The following OGDHL variants were observed in gnomAD, a reference collection of about 807,000 sequenced individuals.
OGDHL encodes oxoglutarate dehydrogenase L.
In OGDHL, 79 loss-of-function variants were observed where a neutral mutation model predicts 109.6. The observed-to-expected ratio is 0.72, with a 90% CI of 0.60 to 0.87. OGDHL has a LOEUF of 0.87. OGDHL is among the 40% of genes least tolerant of loss of function. The probability of loss-of-function intolerance (pLI) is 0.00; values close to 1 mark genes in which losing one functional copy is unlikely to be tolerated. For synonymous variants in OGDHL, 528 were observed against 537.2 expected (o/e 0.98, Z 0.24); for missense variants, 1,275 against 1,362.2 (o/e 0.94, Z 1.01).
Position 49,745,857 on chromosome 10 carries a change from C to T in OGDHL, c.1417G>A (p.Val473Met), listed in dbSNP as rs1312504392. Residue 473 changes from valine (V) to methionine (M), a missense_variant, in exon 11 of 23, where the codon GTG becomes ATG. By Grantham distance (21) the Val-to-Met change is conservative (BLOSUM62 1). Coordinates refer to ENST00000374103, the MANE Select transcript of OGDHL (RefSeq NM_018245.3). ...NADDPEAVIY[V>M]CSVAAEWRNT... The stretch of plus-strand genomic sequence containing the variant: ...CTCCATTCGGCTGCCACACTGCACA[C>T]ATATATCACAGCCTCTGGGTCATCG... 1.2e-6 allele frequency: 2 copies of T among 1,614,232 alleles called. No homozygotes were observed. The highest frequency in any genetic ancestry group is 1.7e-5 in the Admixed American group (1 of 60,026).
At chr10:49,761,091 G>A (rs1843245729) in intron 1 of OGDHL, among the ~76,000 whole-genome samples, 1 of 152,170 alleles carries the variant, frequency 6.6e-6, no homozygotes, top group Non-Finnish European at 1.5e-5. Flanking sequence ...TGAGGGCTCA[G>A]TATCTAGAGC....
intron 7 of OGDHL, among the ~76,000 whole-genome samples, chr10:49,750,533 A>G (rs1842514207): frequency 6.6e-6 from 1 of 152,166 alleles, no homozygotes; most frequent in Non-Finnish European, 1.5e-5. Context: ...CCTTGTCCAC[A>G]GGAACCTCAA....
At chr10:49,754,321 T>A (rs1411137415) in intron 3 of OGDHL, among the ~76,000 whole-genome samples, 1 of 152,218 alleles carries the variant, frequency 6.6e-6, no homozygotes, top group African/African-American at 2.4e-5. Flanking sequence ...TTGAAACTCA[T>A]CAAATATGTT....
intron 3 of OGDHL, among the ~76,000 whole-genome samples, chr10:49,754,256 GC>G (rs1481529495): frequency 2.0e-5 from 3 of 152,194 alleles, no homozygotes; most frequent in Non-Finnish European, 4.4e-5. Flanking sequence ...CACCACGAGT[GC>G]TGGGAATAAG....
intron 1 of OGDHL, among the ~76,000 whole-genome samples, chr10:49,759,481 C>T (rs1248418541): frequency 1.3e-5 from 2 of 152,074 alleles, no homozygotes; most frequent in Non-Finnish European, 2.9e-5. Flanking sequence ...CTTGGGCTTT[C>T]AGTGATGGGG....
rs750311064 is a variant in OGDHL at position 49,737,799 on chromosome 10, G to T, written c.2577C>A (p.Asp859Glu). Residue 859 changes from aspartate to glutamate, a missense_variant, in exon 20 of 23, where the codon GAC becomes GAA. By Grantham distance (45) the Asp-to-Glu change is conservative (BLOSUM62 2). Coordinates refer to ENST00000374103, the MANE Select transcript of OGDHL (RefSeq NM_018245.3). ...LRHPEAKSSF[D>E]QMVSGTSFQR... The stretch of plus-strand genomic sequence containing the variant: ...CCAGGCACGTACCGGATACCATTTG[G>T]TCAAAGCTGGACTTGGCCTCTGGGT... The T allele has an allele frequency of 6.2e-7, 1 of 1,614,044 alleles. No individual in the cohort carries two copies.
At chr10:49,738,449 G>T (rs1358107099) in intron 17 of OGDHL, 187 bp from the exon 18 acceptor site, 4 of 627,552 alleles carry the variant, frequency 6.4e-6, no homozygotes, top group Non-Finnish European at 1.1e-5. Context: ...CCTCAGAGTG[G>T]GGTCTGCCCA....
intron 1 of OGDHL, among the ~76,000 whole-genome samples, chr10:49,759,925 G>A (rs1249366647): frequency 6.6e-6 from 1 of 152,192 alleles, no homozygotes; most frequent in Non-Finnish European, 1.5e-5. Context: ...CTGAGCCAAC[G>A]CTCCTGGTCA....
chr10:49,737,976 G>A lies in OGDHL; in HGVS notation c.2488C>T (p.Arg830Trp), dbSNP rs145274633. 27 of 1,614,152 alleles carry A rather than the reference G, an allele frequency of 1.7e-5. No homozygotes were observed. The South Asian group carries it at 1.9e-4, about 11-fold the overall frequency. ...TPANYFHVLR[R>W]QILLPFRKPL... ...TTGCGGAAGGGCAGCAGGATCTGCC[G>A]GCGCAGCACGTGGAAGTAGTTGGCC... is the stretch of plus-strand genomic sequence containing the variant. The change falls in exon 19 of 23, where the codon CGG becomes TGG. Residue 830 changes from arginine to tryptophan, a missense_variant. Arg to Trp is a moderately radical substitution (Grantham distance 101). Transcript: ENST00000374103.
At chr10:49,758,323 G>C in intron 2 of OGDHL, 66 bp downstream of exon 2, 1 of 1,506,536 alleles carries the variant, frequency 6.6e-7, no homozygotes, top group Middle Eastern at 1.8e-4. Context: ...CCACTGCCCT[G>C]CCACAGCCCG....
intron 7 of OGDHL, 94 bp downstream of exon 7, chr10:49,750,745 C>T (rs1177815633): frequency 4.2e-6 from 6 of 1,441,786 alleles, no homozygotes; most frequent in Admixed American, 4.7e-5. Flanking sequence ...CAGGTCCCAC[C>T]AACACCTCCG....
chr10:49,739,819 T>A lies in OGDHL; in HGVS notation c.2161A>T (p.Met721Leu). ...GVLGFELGYA[M>L]ASPNALVLWE... ...AGGACCAGGGCATTGGGGCTGGCCA[T>A]GGCATAGCCCAGCTCAAAGCCTAAA... The change falls in exon 17 of 23, where the codon ATG (methionine) becomes TTG (leucine). Residue 721 changes from methionine (M) to leucine (L), a missense_variant. Physicochemically the swap from Met to Leu is conservative, Grantham distance 15. Transcript: ENST00000374103. The A allele has an allele frequency of 6.2e-7, 1 of 1,614,060 alleles. No homozygotes were observed. Among genetic ancestry groups the A allele is most frequent in the Non-Finnish European group, 8.5e-7 (1 of 1,179,932 alleles).
In OGDHL at chr10:49,761,759, T is replaced by C. The variant is rs1843299212; in HGVS notation, c.-2+480A>G. On this transcript the variant is annotated intron_variant, in intron 1 of 22. Coordinates refer to ENST00000374103, the MANE Select transcript of OGDHL (RefSeq NM_018245.3). ...GCAGCGACCTCAGGCCATGCCGCCC[T>C]CTCTCAGGCCTCAGTTTTCTCATCT... 2.0e-5 allele frequency among the ~76,000 whole-genome samples: 3 copies of C among 152,044 alleles called. No individual in the cohort carries two copies. In the South Asian group the frequency reaches 6.2e-4, roughly 32 times the overall value.
chr10:49,744,150 C>G (rs758699003), intron 13 of OGDHL, 28 bp from the exon 14 acceptor site: 2 of 1,610,912 alleles, frequency 1.2e-6, no homozygotes, highest in South Asian at 1.1e-5. Context: ...TCTGTCCACA[C>G]TGTGTCAGTG....
chr10:49,742,233 CACACCACACAT>C (rs947967304), intron 15 of OGDHL, among the ~76,000 whole-genome samples: 15 of 140,318 alleles, frequency 1.1e-4, no homozygotes, highest in African/African-American at 3.4e-4. Flanking sequence ...CACACACGCA[CACACCACACAT>C]ACACCACACA....
intron 13 of OGDHL, 92 bp from the exon 14 acceptor site, chr10:49,744,214 GCTT>G (rs1842014029): frequency 6.6e-7 from 1 of 1,508,194 alleles, no homozygotes; most frequent in Non-Finnish European, 8.9e-7. Flanking sequence ...GTGGCCCATG[GCTT>G]CCCAAACTCC....
At position 49,734,929 on chromosome 10, in the gene OGDHL, G is replaced by T. The variant is rs1841030734; in HGVS notation, c.*299C>A. 2 of 228,716 alleles carry T rather than the reference G, an allele frequency of 8.7e-6. No individual in the cohort carries two copies. Among genetic ancestry groups the T allele is most frequent in the African/African-American group, 4.6e-5 (2 of 43,950 alleles). 14.2% of individuals were successfully genotyped at this position (228,716 alleles called of 1,614,324 possible). A position where few individuals can be genotyped will look rare whatever the true frequency, so the allele number is the denominator to read the frequency against. On this transcript the variant is annotated 3_prime_UTR_variant, in exon 23 of 23. Coordinates refer to ENST00000374103, the MANE Select transcript of OGDHL (RefSeq NM_018245.3). ...AGCGGCCACAGACACAGGCCCCCGG[G>T]TGTCTGTCTTGAGATACAGGTGGAG... is the stretch of plus-strand genomic sequence containing the variant.
At chr10:49,735,473 T>C (rs1260447782) in intron 22 of OGDHL, 122 bp from the exon 23 acceptor site, 1 of 1,195,742 alleles carries the variant, frequency 8.4e-7, no homozygotes, top group Non-Finnish European at 1.2e-6. Context: ...CCATAGACCC[T>C]GCCTTTTGGC....
In OGDHL at chr10:49,745,344, C is replaced by T. The variant is rs769339554; in HGVS notation, c.1629G>A (p.Glu543=). The T allele has an allele frequency of 1.9e-6, 3 of 1,613,444 alleles. No individual in the cohort carries two copies. In the African/African-American group the frequency reaches 4.0e-5, roughly 22 times the overall value. ...GCGCCCCTGCAGCCTGCCTGCCCAC[C>T]TCAAACTCCTGCAGGGTGACTGTGC... is the stretch of plus-strand genomic sequence containing the variant. ...AEGTVTLQEF[E]EEIAKYDRIC... The change falls in exon 12 of 23, where the codon GAG becomes GAA. Residue 543 remains glutamate, a splice_region_variant and synonymous_variant. Transcript: ENST00000374103.
Sources: allele counts gnomAD v4.1 joint callset (sites outside exome capture counted in the v4.1 genomes callset), GRCh38; gene constraint gnomAD v4.1.1; transcripts MANE v1.5; gene names NCBI Gene and HGNC (gene_info 2026-07-23, HGNC 2026-07-21).